The following NELL2 variants were observed in gnomAD, a reference collection of about 807,000 sequenced individuals.
NELL2 encodes protein kinase C-binding protein NELL2.
Under a neutral mutation model 109.6 loss-of-function variants are expected in NELL2, and 41 were observed. The observed-to-expected ratio is 0.37, with a 90% CI of 0.29 to 0.49. NELL2 has a LOEUF of 0.49. Among genes scored for constraint, NELL2 ranks in the 20% least tolerant of loss-of-function variants. NELL2 has a pLI of 0.98. For synonymous variants in NELL2, 355 were observed against 344.7 expected, an observed-to-expected ratio of 1.03 and a Z score of -0.33; for missense variants, 900 against 1,008.3, an observed-to-expected ratio of 0.89 and a Z score of 1.45.
intron 1 of NELL2, 179 bp downstream of exon 1, chr12:44,875,636 C>G: frequency 6.2e-7 from 1 of 1,604,652 alleles, no homozygotes; most frequent in Non-Finnish European, 8.5e-7. Flanking sequence ...ATCCGCCTCG[C>G]GGTCTCCAAG....
intron 15 of NELL2, among the ~76,000 whole-genome samples, chr12:44,565,365 CATT>C (rs1015826998): frequency 1.1e-4 from 17 of 152,142 alleles, no homozygotes; most frequent in Admixed American, 9.2e-4. Context: ...ATGACATCAT[CATT>C]AGACACTTTC....
chr12:44,851,478 T>TA, intron 2 of NELL2, among the ~76,000 whole-genome samples: 1 of 152,224 alleles, frequency 6.6e-6, no homozygotes, highest in Middle Eastern at 3.4e-3. Context: ...TATGCACAAA[T>TA]AAAAAATAGA....
chr12:44,546,862 C>T (rs1185219384), intron 15 of NELL2, among the ~76,000 whole-genome samples: 1 of 152,068 alleles, frequency 6.6e-6, no homozygotes, highest in African/African-American at 2.4e-5. Flanking sequence ...AAACCTTTGG[C>T]TTGCATTTTT....
chr12:44,825,859 A>C (rs1321074175), intron 2 of NELL2, among the ~76,000 whole-genome samples: 1 of 151,612 alleles, frequency 6.6e-6, no homozygotes, highest in Non-Finnish European at 1.5e-5. Context: ...CAGCCTCAAC[A>C]TGGAGAAACC....
At position 44,711,394 on chromosome 12, in the gene NELL2, C is replaced by G. The variant is rs1292064777; in HGVS notation, c.1087G>C (p.Asp363His). Residue 363 changes from aspartate to histidine, a missense_variant and splice_region_variant, in exon 11 of 20, where the codon GAC (aspartate) becomes CAC (histidine). Physicochemically the swap from Asp to His is moderately conservative, Grantham distance 81. This residue lies in a region of NELL2 where 292 missense variants were observed against 265.3 expected (regional missense o/e 1.10). Coordinates refer to ENST00000429094, the MANE Select transcript of NELL2 (RefSeq NM_001145108.2). ...CTCTCAACAAGTTTCATGGTCTGGT[C>G]CTGTTAGACAACAGAAAAGAAGTGC... ...SGVCVLYECK[D>H]QTMKLVESSG... The G allele has an allele frequency of 1.9e-6, 3 of 1,610,542 alleles. No individual in the cohort carries two copies. Among genetic ancestry groups the G allele is most frequent in the East Asian group, 4.5e-5 (2 of 44,838 alleles).
chr12:44,588,515 C>A (rs1362835128), intron 15 of NELL2, among the ~76,000 whole-genome samples: 1 of 152,194 alleles, frequency 6.6e-6, no homozygotes, highest in African/African-American at 2.4e-5. Context: ...TCTTCCCTTG[C>A]ATGCCACAGT....
upstream of NELL2, chr12:44,876,574 G>T: frequency 2.7e-6 from 4 of 1,499,938 alleles, no homozygotes; most frequent in East Asian, 2.5e-5. Context: ...CTAAATCCAA[G>T]GTGCTAAGTT....
At chr12:44,629,448 C>G (rs938240932) in intron 13 of NELL2, among the ~76,000 whole-genome samples, 1 of 152,054 alleles carries the variant, frequency 6.6e-6, no homozygotes, top group Non-Finnish European at 1.5e-5. Flanking sequence ...TGCAGAATTG[C>G]GGTACCCCTG....
rs1345508854 is a variant in NELL2, at chr12:44,590,806, A to T, written c.1663+16363T>A. Among the ~76,000 whole-genome samples, 5 of 152,170 alleles carry T rather than the reference A, an allele frequency of 3.3e-5. No homozygotes were observed. In the East Asian group the frequency reaches 9.6e-4, roughly 29 times the overall value. On this transcript the variant is annotated intron_variant, in intron 15 of 19. Coordinates refer to ENST00000429094, the MANE Select transcript of NELL2 (RefSeq NM_001145108.2). ...AAACCGAAAAGCTTCTGCATAGCAAAGGAAACAATCAAGGGAGTGAAGAGA... is the reference window on the plus strand; with the variant it reads ...AAACCGAAAAGCTTCTGCATAGCAATGGAAACAATCAAGGGAGTGAAGAGA...
At chr12:44,768,076 C>T (rs1475861478) in intron 9 of NELL2, among the ~76,000 whole-genome samples, 1 of 152,126 alleles carries the variant, frequency 6.6e-6, no homozygotes, top group East Asian at 1.9e-4. Flanking sequence ...TGTGATTCTG[C>T]CCTACATTTC....
chr12:44,570,256 C>T (rs1463663655), intron 15 of NELL2, among the ~76,000 whole-genome samples: 1 of 152,172 alleles, frequency 6.6e-6, no homozygotes, highest in African/African-American at 2.4e-5. Flanking sequence ...GAAATTTAAT[C>T]GTGTTGCTAT....
At chr12:44,882,493 T>C (rs1229938191) in intron 1 of NELL2, among the ~76,000 whole-genome samples, 1 of 151,244 alleles carries the variant, frequency 6.6e-6, no homozygotes, top group Non-Finnish European at 1.5e-5. Flanking sequence ...TACACACACA[T>C]ATACACACAC....
chr12:44,776,000 T>G, intron 8 of NELL2, 22 bp downstream of exon 8: 1 of 1,607,582 alleles, frequency 6.2e-7, no homozygotes, highest in Non-Finnish European at 8.5e-7. Context: ...TCCCTTAGTC[T>G]CAACTCAAAT....
At chr12:44,595,910 T>A (rs1944945350) in intron 15 of NELL2, among the ~76,000 whole-genome samples, 2 of 152,222 alleles carry the variant, frequency 1.3e-5, no homozygotes, top group Admixed American at 1.3e-4. Context: ...GCTTGCCTCC[T>A]AAGGTTCCCA....
At chr12:44,552,758 G>C (rs1943090538) in intron 15 of NELL2, among the ~76,000 whole-genome samples, 2 of 152,170 alleles carry the variant, frequency 1.3e-5, no homozygotes, top group South Asian at 4.1e-4. Context: ...CTATCCCAAA[G>C]CCCCACATTA....
chr12:44,541,772 G>A (rs1449526850), intron 15 of NELL2, among the ~76,000 whole-genome samples: 1 of 152,156 alleles, frequency 6.6e-6, no homozygotes, highest in East Asian at 1.9e-4. Flanking sequence ...CTATGTGGCA[G>A]CTATTGTTCT....
intron 12 of NELL2, among the ~76,000 whole-genome samples, chr12:44,685,690 G>T (rs1948690870): frequency 6.6e-6 from 1 of 152,076 alleles, no homozygotes; most frequent in African/African-American, 2.4e-5. Context: ...AGTTTTGCTG[G>T]ATATGAAATT....
intron 15 of NELL2, among the ~76,000 whole-genome samples, chr12:44,558,125 G>T (rs1943324450): frequency 1.3e-5 from 2 of 152,080 alleles, no homozygotes; most frequent in African/African-American, 4.8e-5. Context: ...ACAAAAGCAA[G>T]GATTTAAGGA....
In NELL2 at chr12:44,782,709, T is replaced by C. The variant is rs370963488; in HGVS notation, c.336-2687A>G. 7.9e-5 allele frequency among the ~76,000 whole-genome samples: 12 copies of C among 152,082 alleles called. No individual in the cohort carries two copies. In the South Asian group the frequency reaches 1.2e-3, roughly 16 times the overall value. On this transcript the variant is annotated intron_variant, in intron 3 of 19. Transcript: ENST00000429094. ...ATTAAGAAGACATAGCAATTCTCAA[T>C]GTGTATTACCGAAAACACAGAGCTG...
Sources: allele counts gnomAD v4.1 joint callset (sites outside exome capture counted in the v4.1 genomes callset), GRCh38; gene constraint gnomAD v4.1.1; regional missense constraint gnomAD v4.1.1; transcripts MANE v1.5; gene names NCBI Gene and HGNC (gene_info 2026-07-23, HGNC 2026-07-21).